The following HS3ST4 variants were observed in gnomAD, a reference collection of about 807,000 sequenced individuals.
HS3ST4 encodes heparan sulfate-glucosamine 3-sulfotransferase 4.
Under a neutral mutation model 29.2 loss-of-function variants are expected in HS3ST4, and 17 were observed. The observed-to-expected ratio is 0.58, with a 90% CI of 0.40 to 0.87. The LOEUF (loss-of-function observed/expected upper bound fraction) is 0.87. HS3ST4 is among the 40% of genes least tolerant of loss of function. The pLI is 0.00. For missense variants in HS3ST4, 627 were observed against 634.5 expected, an observed-to-expected ratio of 0.99 and a Z score of 0.13; for synonymous variants, 314 against 285.7, an observed-to-expected ratio of 1.10 and a Z score of -1.00.
At chr16:26,133,224 A>T (rs1375057608) in intron 1 of HS3ST4, among the ~76,000 whole-genome samples, 3 of 152,174 alleles carry the variant, frequency 2.0e-5, no homozygotes, top group Non-Finnish European at 2.9e-5. Flanking sequence ...CTGACATTGA[A>T]CCGGCATGAT....
chr16:25,933,891 C>A (rs1267649966), intron 1 of HS3ST4, among the ~76,000 whole-genome samples: 1 of 152,172 alleles, frequency 6.6e-6, no homozygotes, highest in Non-Finnish European at 1.5e-5. Flanking sequence ...CCAAGCAATT[C>A]ATGAGGAATC....
intron 1 of HS3ST4, among the ~76,000 whole-genome samples, chr16:26,057,912 C>G (rs1035400476): frequency 3.9e-5 from 6 of 152,092 alleles, no homozygotes; most frequent in Admixed American, 1.3e-4. Flanking sequence ...GAGTGTATTA[C>G]GGGAGTTTCA....
chr16:26,056,539 A>G (rs1035022415), intron 1 of HS3ST4, among the ~76,000 whole-genome samples: 3 of 152,180 alleles, frequency 2.0e-5, no homozygotes, highest in Non-Finnish European at 4.4e-5. Flanking sequence ...AAGGCAGCAA[A>G]GCTGTGTGTT....
intron 1 of HS3ST4, among the ~76,000 whole-genome samples, chr16:25,826,938 G>A (rs991053577): frequency 1.2e-4 from 19 of 152,092 alleles, no homozygotes; most frequent in African/African-American, 4.6e-4. Flanking sequence ...GTGAAAAGCT[G>A]CAGTCCTCGG....
In HS3ST4 at chr16:25,788,540, C is replaced by CTTTTTTTTTTTTTTTTTTTTT. The variant is rs34729954; in HGVS notation, c.734+95392_734+95393insTTTTTTTTTTTTTTTTTTTTT. On this transcript the variant is annotated intron_variant, in intron 1 of 1. Transcript: ENST00000331351. ...TTCCTACATTTTTTTTTCTTTTCTT[C>CTTTTTTTTTTTTTTTTTTTTT]TTTCTTTTTTTTTTTTTTTTGACAG... Among the ~76,000 whole-genome samples the CTTTTTTTTTTTTTTTTTTTTT allele has an allele frequency of 1.9e-4, 19 of 99,068 alleles. 2 individuals carry two copies. Among genetic ancestry groups the CTTTTTTTTTTTTTTTTTTTTT allele is most frequent in the Admixed American group, 2.4e-4 (2 of 8,318 alleles). The allele number at this position is 99,068 out of a possible 152,430, so 65.0% of individuals were successfully genotyped here. A position where few individuals can be genotyped will look rare whatever the true frequency, so the allele number is the denominator to read the frequency against.
chr16:25,761,632 G>A (rs1966789316), intron 1 of HS3ST4, among the ~76,000 whole-genome samples: 1 of 152,188 alleles, frequency 6.6e-6, no homozygotes, highest in South Asian at 2.1e-4. Flanking sequence ...ACCAGATCTT[G>A]AGAGTCAGTT....
At chr16:25,899,934 A>C (rs1968105951) in intron 1 of HS3ST4, among the ~76,000 whole-genome samples, 1 of 152,204 alleles carries the variant, frequency 6.6e-6, no homozygotes, top group Non-Finnish European at 1.5e-5. Context: ...AAAGGAGCAC[A>C]CATCCCATTA....
At chr16:25,768,622 G>A (rs12445330) in intron 1 of HS3ST4, among the ~76,000 whole-genome samples, 13,841 of 152,142 alleles carry the variant, frequency 0.091, 911 homozygotes, top group South Asian at 0.23. Flanking sequence ...GTAACTTTGG[G>A]TCTAAAGCTG....
At chr16:26,048,454 G>A (rs955391001) in intron 1 of HS3ST4, among the ~76,000 whole-genome samples, 10 of 152,122 alleles carry the variant, frequency 6.6e-5, no homozygotes, top group African/African-American at 2.4e-4. Flanking sequence ...TGGAACATGC[G>A]TCACTGAATA....
intron 1 of HS3ST4, among the ~76,000 whole-genome samples, chr16:25,957,906 T>C (rs1371835038): frequency 2.0e-5 from 3 of 152,042 alleles, no homozygotes; most frequent in Non-Finnish European, 4.4e-5. Context: ...TGTTGGCTGG[T>C]GTGGGGATCA....
intron 1 of HS3ST4, among the ~76,000 whole-genome samples, chr16:26,104,148 T>C (rs182630319): frequency 6.6e-4 from 100 of 152,298 alleles, no homozygotes; most frequent in South Asian, 6.4e-3. Context: ...CTGGTTCAGT[T>C]AGTCTTTCGT....
At chr16:26,061,110 C>A (rs1567304072) in intron 1 of HS3ST4, among the ~76,000 whole-genome samples, 1 of 152,232 alleles carries the variant, frequency 6.6e-6, no homozygotes, top group Non-Finnish European at 1.5e-5. Flanking sequence ...CACATCCCAA[C>A]CCCATGGTGA....
Position 25,886,103 on chromosome 16 carries a change from G to A in HS3ST4, c.734+192952G>A, listed in dbSNP as rs1258688169. Among the ~76,000 whole-genome samples, 3 of 134,338 alleles carry A rather than the reference G, an allele frequency of 2.2e-5. No individual in the cohort carries two copies. In the Admixed American group the frequency reaches 2.5e-4, roughly 11 times the overall value. 88.1% of individuals were successfully genotyped at this position (134,338 alleles called of 152,430 possible). A position where few individuals can be genotyped will look rare whatever the true frequency, so the allele number is the denominator to read the frequency against. On this transcript the variant is annotated intron_variant, in intron 1 of 1. Coordinates refer to ENST00000331351, the MANE Select transcript of HS3ST4 (RefSeq NM_006040.3). ...GCTGGAGTGCAGGGGCATGATCTCG[G>A]CACACTGCAGTGTCTGCCTCCTGGG...
intron 1 of HS3ST4, among the ~76,000 whole-genome samples, chr16:25,917,689 G>A (rs115164744): frequency 0.013 from 1,960 of 152,190 alleles, 35 homozygotes; most frequent in African/African-American, 0.044. Flanking sequence ...CAGACAAGTC[G>A]CATGCCTCTC....
Position 25,982,964 on chromosome 16 carries a change from G to A in HS3ST4, c.735-152648G>A, listed in dbSNP as rs1011698684. On this transcript the variant is annotated intron_variant, in intron 1 of 1. Transcript: ENST00000331351. ...TTATTGAACATTAGCTGGGTGGCAG[G>A]CACTGTTCTGGGCACTGAAGGTATA... 2.6e-5 allele frequency among the ~76,000 whole-genome samples: 4 copies of A among 152,216 alleles called. No homozygotes were observed. In the East Asian group the frequency reaches 5.8e-4, roughly 22 times the overall value.
intron 1 of HS3ST4, among the ~76,000 whole-genome samples, chr16:25,811,883 G>C (rs1265952183): frequency 1.3e-5 from 2 of 152,200 alleles, no homozygotes; most frequent in Admixed American, 1.3e-4. Context: ...GGAGTCAAAA[G>C]TTGTATGTAG....
At chr16:25,996,800 T>C (rs1294698748) in intron 1 of HS3ST4, among the ~76,000 whole-genome samples, 1 of 152,166 alleles carries the variant, frequency 6.6e-6, no homozygotes, top group Non-Finnish European at 1.5e-5. Flanking sequence ...TGGGATCCTA[T>C]TTAAAATTAC....
chr16:26,054,269 G>GGAGAAAGAGAGAGAGAGA lies in HS3ST4; in HGVS notation c.735-81339_735-81338insAAGAGAGAGAGAGAGAGA, dbSNP rs1555481159. 8.7e-4 allele frequency among the ~76,000 whole-genome samples: 116 copies of GGAGAAAGAGAGAGAGAGA among 133,732 alleles called. 2 individuals carry two copies. Among genetic ancestry groups the GGAGAAAGAGAGAGAGAGA allele is most frequent in the African/African-American group, 1.3e-3 (44 of 35,056 alleles). The allele number at this position is 133,732 out of a possible 152,430, so 87.7% of individuals were successfully genotyped here. ...GAAGGAGAGAGAGAGACAGAGAGAG[G>GGAGAAAGAGAGAGAGAGA]GAGAGAGAGAGAGAGAGAGAGAGAG... On this transcript the variant is annotated intron_variant, in intron 1 of 1. Coordinates refer to ENST00000331351, the MANE Select transcript of HS3ST4 (RefSeq NM_006040.3).
chr16:26,054,383 TC>T (rs1449688806), intron 1 of HS3ST4, among the ~76,000 whole-genome samples: 1 of 151,938 alleles, frequency 6.6e-6, no homozygotes, highest in African/African-American at 2.4e-5. Flanking sequence ...GAAAGCCAAC[TC>T]TCCTCCATTC....
Sources: gnomAD v4.1 joint callset for allele counts (sites outside exome capture counted in the v4.1 genomes callset) on GRCh38, gnomAD v4.1.1 for gene constraint, MANE v1.5 for transcripts, NCBI Gene and HGNC (gene_info 2026-07-23, HGNC 2026-07-21) for gene names.